NR4A1: variants seen among roughly 807,000 people sequenced by gnomAD.
NR4A1 encodes the protein nuclear receptor subfamily 4immunitygroup A member 1.
NR4A1 carries 24 observed loss-of-function variants against 47.5 expected under a neutral mutation model. The ratio of observed to expected loss-of-function variants is 0.50; its 90% confidence interval spans 0.37 to 0.71. The LOEUF (loss-of-function observed/expected upper bound fraction) is 0.71. NR4A1 is among the 30% of genes least tolerant of loss of function. The pLI, the probability that NR4A1 is intolerant of heterozygous loss-of-function variation, is 0.00. For missense variants in NR4A1, 669 were observed against 788.6 expected (o/e 0.85, Z 1.82); for synonymous variants, 353 against 345.7 (o/e 1.02, Z -0.24).
chr12:52,041,065 T>C (rs902741728), intron 1 of NR4A1, among the ~76,000 whole-genome samples: 4 of 152,156 alleles, frequency 2.6e-5, no homozygotes, highest in African/African-American at 7.2e-5. Context: ...CCAGGGTACC[T>C]TGGACTAGGA....
At chr12:52,032,366 G>A (rs1305797129) in intron 1 of NR4A1, among the ~76,000 whole-genome samples, 1 of 152,216 alleles carries the variant, frequency 6.6e-6, no homozygotes, top group Non-Finnish European at 1.5e-5. Flanking sequence ...TCTGATTCTT[G>A]CACCTTCAGA....
intron 1 of NR4A1, chr12:52,038,613 T>C: frequency 1.4e-6 from 1 of 691,296 alleles, no homozygotes; most frequent in Non-Finnish European, 2.6e-6. Flanking sequence ...GGCTTGCTCC[T>C]AGATCTACTC....
At position 52,056,140 on chromosome 12, in the gene NR4A1, G is replaced by C. The variant is rs774600060; in HGVS notation, c.987G>C (p.Ala329=). The part of the protein sequence containing the change: ...CQFCRFQKCL[A]VGMVKEVVRT... The stretch of plus-strand genomic sequence containing the variant: ...TCTGCCGCTTCCAGAAGTGCCTGGC[G>C]GTGGGCATGGTGAAGGAAGGTGTGT... Residue 329 remains alanine, a synonymous_variant, in exon 3 of 7, where the codon GCG becomes GCC. Transcript: ENST00000394825. The C allele has an allele frequency of 6.2e-7, 1 of 1,608,038 alleles. No homozygotes were observed. Among genetic ancestry groups the C allele is most frequent in the Admixed American group, 1.7e-5 (1 of 59,056 alleles).
At chr12:52,038,052 C>T (rs1411320329) in intron 1 of NR4A1, 1 of 963,548 alleles carries the variant, frequency 1.0e-6, no homozygotes, top group Non-Finnish European at 1.2e-6. Flanking sequence ...TGGCTCATTC[C>T]CCCCCAACGC....
At chr12:52,056,220 A>C in intron 3 of NR4A1, 61 bp downstream of exon 3, 1 of 1,520,102 alleles carries the variant, frequency 6.6e-7, no homozygotes, top group Non-Finnish European at 8.8e-7. Flanking sequence ...TGGGACCAGC[A>C]GGGCCCCCAG....
At chr12:52,046,627 T>C (rs770729232), upstream of NR4A1, among the ~76,000 whole-genome samples, 3 of 152,200 alleles carry the variant, frequency 2.0e-5, no homozygotes, top group Non-Finnish European at 4.4e-5. Flanking sequence ...TCTCAATAAA[T>C]TACATCTGCA....
At chr12:52,056,276 C>T in intron 3 of NR4A1, 117 bp downstream of exon 3, 1 of 1,447,376 alleles carries the variant, frequency 6.9e-7, no homozygotes, top group Non-Finnish European at 9.2e-7. Flanking sequence ...TTATTTCCAC[C>T]CCACCTCTGA....
In NR4A1 at chr12:52,056,223, G is replaced by GC. The variant is rs1939265989; in HGVS notation, c.1006+69dup. The GC allele has an allele frequency of 4.7e-5, 72 of 1,520,160 alleles. No individual in the cohort carries two copies. The South Asian group carries it at 8.9e-4, about 19-fold the overall frequency. 94.2% of individuals were successfully genotyped at this position (1,520,160 alleles called of 1,614,324 possible). On this transcript the variant is annotated intron_variant, in intron 3 of 6. Coordinates refer to ENST00000394825, the MANE Select transcript of NR4A1 (RefSeq NM_173157.3). ...GCTTGAGTGGAGTGGGACCAGCAGGGCCCCCAGGCTTCTGCCCTGGAGGAC... is the reference window on the plus strand; with the variant it reads ...GCTTGAGTGGAGTGGGACCAGCAGGGCCCCCCAGGCTTCTGCCCTGGAGGAC...
chr12:52,041,829 G>A (rs1223968539), exon 2 of NR4A1: 11 of 1,478,366 alleles, frequency 7.4e-6, no homozygotes, highest in Non-Finnish European at 9.8e-6. Context: ...ATGGACAGAG[G>A]CCAGGCCCTG....
chr12:52,040,962 C>T (rs942035172), intron 1 of NR4A1, among the ~76,000 whole-genome samples: 1 of 151,858 alleles, frequency 6.6e-6, no homozygotes, highest in Admixed American at 6.6e-5. Context: ...GTCAAGGTGC[C>T]GTGGCTGAAT....
intron 4 of NR4A1, chr12:52,056,847 C>G: frequency 3.7e-6 from 3 of 810,722 alleles, no homozygotes; most frequent in Admixed American, 5.9e-5. Context: ...AAATGCACCC[C>G]CTCAGGCAGG....
chr12:52,031,632 G>A lies in NR4A1; in HGVS notation c.-84+8693G>A, dbSNP rs538252944. ...AGCCTGGGTGACAGAGTGAGACTCC[G>A]TCTCAAAACAAACAAACAAACAAAT... On this transcript the variant is annotated intron_variant, in intron 1 of 7. Transcript: ENST00000360284. Among the ~76,000 whole-genome samples, 397 of 151,928 alleles carry A rather than the reference G, an allele frequency of 2.6e-3. 2 individuals carry two copies. The highest frequency in any genetic ancestry group is 9.0e-3 in the African/African-American group (374 of 41,450).
chr12:52,054,465 C>T lies in NR4A1; in HGVS notation c.137C>T (p.Ala46Val). The change falls in exon 2 of 7, where the codon GCC becomes GTC. Residue 46 changes from alanine to valine, a missense_variant. Coordinates refer to ENST00000394825, the MANE Select transcript of NR4A1 (RefSeq NM_173157.3). Reference protein sequence around the residue: ...DLASPEAAPAAPTALPSFSTF... With the variant: ...DLASPEAAPAVPTALPSFSTF... ...GCCAGCCCCGAGGCAGCCCCCGCTG[C>T]CCCCACTGCCCTGCCCAGCTTCAGC... 1 of 1,613,780 alleles carries T rather than the reference C, an allele frequency of 6.2e-7. No individual in the cohort carries two copies. The highest frequency in any genetic ancestry group is 1.1e-5 in the South Asian group (1 of 91,082).
At position 52,058,906 on chromosome 12, in the gene NR4A1, A is replaced by G. The variant is rs771431553; in HGVS notation, c.1759A>G (p.Ile587Val). Residue 587 changes from isoleucine to valine, a missense_variant, in exon 7 of 7, where the codon ATC becomes GTC. Transcript: ENST00000394825. Reference sequence around the variant, plus strand: ...GGAGGACTTGGTGCCCCCTCCACCCATCATTGACAAGATCTTCATGGACAC... The same window carrying G: ...GGAGGACTTGGTGCCCCCTCCACCCGTCATTGACAAGATCTTCATGGACAC... ...KLEDLVPPPP[I>V]IDKIFMDTLP... 3.1e-6 allele frequency: 5 copies of G among 1,613,460 alleles called. No individual in the cohort carries two copies. Among genetic ancestry groups the G allele is most frequent in the Non-Finnish European group, 4.2e-6 (5 of 1,179,588 alleles).
chr12:52,045,159 C>T (rs1320009202), intron 2 of NR4A1, among the ~76,000 whole-genome samples: 2 of 152,214 alleles, frequency 1.3e-5, no homozygotes, highest in African/African-American at 4.8e-5. Flanking sequence ...TCCTCTCACT[C>T]AGCCCAGGAG....
chr12:52,057,284 A>G (rs1241238462), intron 5 of NR4A1, 25 bp downstream of exon 5: 1 of 1,613,544 alleles, frequency 6.2e-7, no homozygotes, highest in Admixed American at 1.7e-5. Context: ...CTGTCTGCCC[A>G]GCCCCTTTCC....
rs1395400993 is a variant in NR4A1, at chr12:52,054,374, GGACCCCGTGACCACCTGGCAAGC to G, written c.53_75del (p.Arg18ProfsTer4). On this transcript the variant is annotated frameshift_variant, in exon 2 of 7. Transcript: ENST00000394825. LOFTEE classifies it high-confidence loss of function. ...ATATGGGACACCAGCACCGAGTCCGGGACCCCGTGACCACCTGGCAAGCGACCCCCTGACCCCTGAGTTCATCA... is the reference window on the plus strand; with the variant it reads ...ATATGGGACACCAGCACCGAGTCCGGGACCCCCTGACCCCTGAGTTCATCA... 4.4e-5 allele frequency: 71 copies of G among 1,613,562 alleles called. No individual in the cohort carries two copies. The highest frequency in any genetic ancestry group is 6.0e-5 in the Non-Finnish European group (71 of 1,179,852).
chr12:52,043,504 TG>T, intron 2 of NR4A1: 1 of 325,208 alleles, frequency 3.1e-6, no homozygotes, highest in Non-Finnish European at 5.7e-6. Context: ...CTAGAGCTGC[TG>T]GTCTTGTGAC....
rs1939140802 is a variant in NR4A1 at position 52,054,466 on chromosome 12, C to T, written c.138C>T (p.Ala46=). The change falls in exon 2 of 7, where the codon GCC becomes GCT. Residue 46 remains alanine, a synonymous_variant. Coordinates refer to ENST00000394825, the MANE Select transcript of NR4A1 (RefSeq NM_173157.3). ...CCAGCCCCGAGGCAGCCCCCGCTGC[C>T]CCCACTGCCCTGCCCAGCTTCAGCA... is the stretch of plus-strand genomic sequence containing the variant. ...DLASPEAAPA[A]PTALPSFSTF... 6.2e-7 allele frequency: 1 copy of T among 1,613,736 alleles called. No homozygotes were observed.
Sources: allele counts gnomAD v4.1 joint callset (sites outside exome capture counted in the v4.1 genomes callset), GRCh38; gene constraint gnomAD v4.1.1; transcripts MANE v1.5; gene names NCBI Gene and HGNC (gene_info 2026-07-23, HGNC 2026-07-21).